PLEKHH2: variants seen among roughly 807,000 people sequenced by gnomAD.
PLEKHH2 encodes the protein pleckstrin homology domain-containing family H member 2.
Under a neutral mutation model 187.9 loss-of-function variants are expected in PLEKHH2, and 129 were observed. That is an observed-to-expected ratio of 0.69 (90% CI 0.59 to 0.79). The LOEUF is 0.79. PLEKHH2 is among the 30% of genes least tolerant of loss of function. The probability of loss-of-function intolerance (pLI) is 0.00; values close to 1 mark genes in which losing one functional copy is unlikely to be tolerated. For synonymous variants in PLEKHH2, 686 were observed against 605.6 expected, an observed-to-expected ratio of 1.13 and a Z score of -1.95; for missense variants, 2,076 against 1,751.2, an observed-to-expected ratio of 1.19 and a Z score of -3.31.
intron 24 of PLEKHH2, among the ~76,000 whole-genome samples, chr2:43,750,387 G>A (rs557161391): frequency 8.5e-5 from 13 of 152,080 alleles, no homozygotes; most frequent in Non-Finnish European, 7.4e-5. Context: ...CAGGAGAATC[G>A]CATGAACCCA....
intron 3 of PLEKHH2, chr2:43,680,924 A>C: frequency 1.4e-6 from 1 of 712,662 alleles, no homozygotes; most frequent in South Asian, 1.9e-5. Context: ...ATTTATGTCC[A>C]GGGCCACTTT....
intron 19 of PLEKHH2, among the ~76,000 whole-genome samples, chr2:43,735,499 T>A (rs926156501): frequency 6.6e-6 from 1 of 152,152 alleles, no homozygotes; most frequent in Non-Finnish European, 1.5e-5. Flanking sequence ...GAATAAGTTC[T>A]AGTGTTCAAC....
chr2:43,724,676 T>C (rs1288147877), intron 16 of PLEKHH2, among the ~76,000 whole-genome samples: 1 of 152,248 alleles, frequency 6.6e-6, no homozygotes. Context: ...TAGTTCGTTT[T>C]GCACTACCTA....
chr2:43,719,911 G>A (rs1670401385), intron 15 of PLEKHH2, among the ~76,000 whole-genome samples: 1 of 152,090 alleles, frequency 6.6e-6, no homozygotes, highest in Non-Finnish European at 1.5e-5. Flanking sequence ...TGACATTAGA[G>A]TGTTAACCTA....
At chr2:43,714,881 G>C (rs1480856481) in intron 15 of PLEKHH2, among the ~76,000 whole-genome samples, 2 of 152,172 alleles carry the variant, frequency 1.3e-5, no homozygotes, top group Non-Finnish European at 2.9e-5. Context: ...TGACTTCTGA[G>C]AGAAGATTTA....
intron 2 of PLEKHH2, chr2:43,676,312 G>A (rs751628137): frequency 7.5e-6 from 12 of 1,606,676 alleles, no homozygotes; most frequent in South Asian, 2.2e-5. Context: ...TGTCCCACTA[G>A]CGGAAACCAT....
intron 25 of PLEKHH2, among the ~76,000 whole-genome samples, 194 bp downstream of exon 25, chr2:43,753,954 C>T (rs572537125): frequency 6.6e-6 from 1 of 152,156 alleles, no homozygotes; most frequent in East Asian, 1.9e-4. Context: ...TAGAATGAGA[C>T]AGTATTCCAT....
At position 43,765,520 on chromosome 2, in the gene PLEKHH2, G is replaced by C. The variant is rs778299291; in HGVS notation, c.4404G>C (p.Arg1468=). The C allele has an allele frequency of 1.2e-6, 2 of 1,613,998 alleles. No homozygotes were observed. Among genetic ancestry groups the C allele is most frequent in the South Asian group, 2.2e-5 (2 of 91,064 alleles). ...SAPALLSAQT[R]GPQARMMGSQ... ...CAGCACTGCTCTCAGCCCAGACCCG[G>C]GGACCCCAAGCCAGAATGATGGGAA... The change falls in exon 30 of 30, where the codon CGG becomes CGC. Residue 1468 remains arginine, a synonymous_variant. Transcript: ENST00000282406.
intron 2 of PLEKHH2, among the ~76,000 whole-genome samples, chr2:43,667,006 G>C (rs1667251297): frequency 6.6e-6 from 1 of 152,116 alleles, no homozygotes; most frequent in Non-Finnish European, 1.5e-5. Flanking sequence ...TTGAAAAACA[G>C]ACACTTAAAA....
At chr2:43,680,987 G>T in intron 3 of PLEKHH2, 1 of 1,202,792 alleles carries the variant, frequency 8.3e-7, no homozygotes, top group Non-Finnish European at 1.1e-6. Context: ...CGTTACTGTT[G>T]TTCATATGCC....
At chr2:43,704,398 G>A (rs1387459632) in intron 9 of PLEKHH2, among the ~76,000 whole-genome samples, 9 of 152,076 alleles carry the variant, frequency 5.9e-5, no homozygotes, top group Middle Eastern at 3.4e-3. Context: ...ACGGTGGCTC[G>A]CGCCTGTTAT....
At chr2:43,735,408 G>A (rs1383826422) in intron 19 of PLEKHH2, among the ~76,000 whole-genome samples, 1 of 152,076 alleles carries the variant, frequency 6.6e-6, no homozygotes, top group African/African-American at 2.4e-5. Context: ...ATAGAATGGT[G>A]GTTACCAGAG....
chr2:43,682,141 G>A (rs1007934509), intron 3 of PLEKHH2, among the ~76,000 whole-genome samples: 1 of 151,968 alleles, frequency 6.6e-6, no homozygotes, highest in Non-Finnish European at 1.5e-5. Flanking sequence ...ATACTAATCT[G>A]AAACCAAACA....
chr2:43,705,859 C>G (rs193094528), intron 9 of PLEKHH2, among the ~76,000 whole-genome samples: 1 of 152,280 alleles, frequency 6.6e-6, no homozygotes, highest in Non-Finnish European at 1.5e-5. Context: ...TCCACTGCCT[C>G]AGCCTCCCAA....
At chr2:43,688,355 C>G (rs757381330) in intron 3 of PLEKHH2, among the ~76,000 whole-genome samples, 5 of 152,200 alleles carry the variant, frequency 3.3e-5, no homozygotes, top group Admixed American at 6.5e-5. Flanking sequence ...ATTTAAAATA[C>G]TCTAAACAAT....
At chr2:43,676,400 T>C in intron 2 of PLEKHH2, 2 of 1,216,612 alleles carry the variant, frequency 1.6e-6, no homozygotes, top group Non-Finnish European at 2.3e-6. Context: ...CTTCCGGAGC[T>C]GGCGGCTGCG....
intron 2 of PLEKHH2, chr2:43,675,634 T>A: frequency 6.2e-7 from 1 of 1,613,902 alleles, no homozygotes; most frequent in Non-Finnish European, 8.5e-7. Context: ...ATTTTCTGCA[T>A]GAACTCCTGC....
At chr2:43,754,211 T>C (rs1331737902) in intron 25 of PLEKHH2, among the ~76,000 whole-genome samples, 1 of 135,454 alleles carries the variant, frequency 7.4e-6, no homozygotes, top group African/African-American at 3.1e-5. Flanking sequence ...CACACAAAAT[T>C]AATACTGACT....
At chr2:43,758,799 T>C in intron 26 of PLEKHH2, 101 bp from the exon 27 acceptor site, 2 of 1,006,742 alleles carry the variant, frequency 2.0e-6, no homozygotes, top group Non-Finnish European at 2.8e-6. Flanking sequence ...ATCACAGTTA[T>C]GCTTAGGATT....
Sources: gnomAD v4.1 joint callset for allele counts (sites outside exome capture counted in the v4.1 genomes callset) on GRCh38, gnomAD v4.1.1 for gene constraint, MANE v1.5 for transcripts, NCBI Gene and HGNC (gene_info 2026-07-23, HGNC 2026-07-21) for gene names.